Variants in RUBCN observed in about 807,000 individuals in gnomAD.
RUBCN encodes the protein run domain Beclin-1-interacting and cysteine-rich domain-containing protein.
RUBCN carries 74 observed loss-of-function variants against 113.2 expected under a neutral mutation model. That is an observed-to-expected ratio of 0.65 (90% confidence interval 0.54 to 0.79). The LOEUF (loss-of-function observed/expected upper bound fraction) is 0.79. Ranked by LOEUF, RUBCN falls within the 30% of genes least tolerant of loss-of-function variation. RUBCN has a pLI of 0.00. For missense variants in RUBCN, 1,109 were observed against 1,251.7 expected (o/e 0.89, Z 1.72); for synonymous variants, 480 against 490.0 (o/e 0.98, Z 0.27).
intron 10 of RUBCN, 47 bp downstream of exon 10, chr3:197,694,328 G>T (rs1254916380): frequency 6.4e-7 from 1 of 1,559,270 alleles, no homozygotes. Context: ...GCCTTATGCT[G>T]AAGTTGGGAA....
At chr3:197,728,962 A>G (rs1031539142) in intron 1 of RUBCN, among the ~76,000 whole-genome samples, 4 of 152,072 alleles carry the variant, frequency 2.6e-5, no homozygotes, top group African/African-American at 7.2e-5. Context: ...AACTTCATTA[A>G]GTACTAACAG....
rs1169111079 is a variant in RUBCN at position 197,694,684 on chromosome 3, C to T, written c.1474-99G>A. On this transcript the variant is annotated intron_variant, in intron 9 of 19. Coordinates refer to ENST00000296343, the MANE Select transcript of RUBCN (RefSeq NM_014687.4). ...GGGAGTTTCCAAGATAGGAACTGTT[C>T]CTGCCAAAAACACCCTGGAGAAATG... 3.7e-6 allele frequency: 4 copies of T among 1,083,590 alleles called. No homozygotes were observed. The African/African-American group carries it at 6.2e-5, about 17-fold the overall frequency. 67.1% of individuals were successfully genotyped at this position (1,083,590 alleles called of 1,614,324 possible).
chr3:197,686,154 C>CA (rs1265946604), intron 11 of RUBCN, among the ~76,000 whole-genome samples: 8 of 152,026 alleles, frequency 5.3e-5, no homozygotes, highest in African/African-American at 1.7e-4. Flanking sequence ...TACTACATGC[C>CA]AGAAAGAACA....
At chr3:197,740,595 G>A (rs543761313), upstream of RUBCN, among the ~76,000 whole-genome samples, 3 of 152,206 alleles carry the variant, frequency 2.0e-5, no homozygotes, top group Admixed American at 6.5e-5. Flanking sequence ...GCATGGTTAT[G>A]TTAAGGAATA....
intron 11 of RUBCN, among the ~76,000 whole-genome samples, chr3:197,685,028 A>C (rs913273814): frequency 1.3e-5 from 2 of 152,214 alleles, no homozygotes; most frequent in Non-Finnish European, 2.9e-5. Flanking sequence ...CCTGGTTACC[A>C]ACACGTTTTG....
rs1419242408 is a variant in RUBCN, at chr3:197,674,329, G to A, written c.*689C>T. The A allele has an allele frequency of 4.8e-6, 1 of 209,920 alleles. No individual in the cohort carries two copies. The highest frequency in any genetic ancestry group is 1.1e-5 in the Non-Finnish European group (1 of 90,674). 13.0% of individuals were successfully genotyped at this position (209,920 alleles called of 1,614,324 possible). A position where few individuals can be genotyped will look rare whatever the true frequency, so the allele number is the denominator to read the frequency against. On this transcript the variant is annotated 3_prime_UTR_variant, in exon 20 of 20. Coordinates refer to ENST00000296343, the MANE Select transcript of RUBCN (RefSeq NM_014687.4). ...TCTTTGCTTCAAGATCACCAAGGTA[G>A]ATGAAGAAAGTCAGCTTGTGGCATC... is the stretch of plus-strand genomic sequence containing the variant.
At chr3:197,684,110 T>G (rs766973718) in intron 12 of RUBCN, 47 bp downstream of exon 12, 1 of 1,440,520 alleles carries the variant, frequency 6.9e-7, no homozygotes, top group Non-Finnish European at 9.8e-7. Flanking sequence ...TTTCTCTACA[T>G]ATCCTAAGGT....
chr3:197,739,754 G>A (rs1728447095), upstream of RUBCN, among the ~76,000 whole-genome samples: 1 of 152,062 alleles, frequency 6.6e-6, no homozygotes, highest in African/African-American at 2.4e-5. Flanking sequence ...GGAAATCCTA[G>A]GGGCCAGAAG....
chr3:197,744,085 CTTT>C (rs1161259119), intron 1 of RUBCN, among the ~76,000 whole-genome samples: 4 of 151,452 alleles, frequency 2.6e-5, no homozygotes, highest in Non-Finnish European at 5.9e-5. Flanking sequence ...TACCATACTT[CTTT>C]AATATACCAG....
rs200891408 is a variant in RUBCN at position 197,676,935 on chromosome 3, G to A, written c.2596C>T (p.Arg866Trp). 1.2e-4 allele frequency: 190 copies of A among 1,614,070 alleles called. No individual in the cohort carries two copies. Among genetic ancestry groups the A allele is most frequent in the Middle Eastern group, 1.6e-4 (1 of 6,076 alleles). ...CCTGCCCTGGTGAGCTCAGCAAGCC[G>A]GGGCCCCAGCTCCCCCTTCCTGGTC... ...TATRKGELGP[R>W]LAELTRAGAT... The change falls in exon 18 of 20, where the codon CGG (arginine) becomes TGG (tryptophan). Residue 866 changes from arginine (R) to tryptophan (W), a missense_variant. Arg to Trp is a moderately radical substitution (Grantham distance 101, BLOSUM62 -3). Transcript: ENST00000296343.
At chr3:197,740,990 C>T (rs4857588), upstream of RUBCN, among the ~76,000 whole-genome samples, 139,120 of 152,252 alleles carry the variant, frequency 0.91, 63,591 homozygotes, top group East Asian at 1. Flanking sequence ...ACAACTAATA[C>T]CTCTATACAG....
intron 9 of RUBCN, 111 bp downstream of exon 9, chr3:197,695,755 T>C (rs1459009033): frequency 1.5e-5 from 15 of 973,808 alleles, no homozygotes; most frequent in Non-Finnish European, 2.5e-5. Flanking sequence ...TACCGTGAAC[T>C]TATCTTTACT....
intron 1 of RUBCN, among the ~76,000 whole-genome samples, chr3:197,730,862 T>A (rs1025715920): frequency 6.0e-5 from 9 of 151,074 alleles, no homozygotes; most frequent in Non-Finnish European, 1.3e-4. Flanking sequence ...AAAATATCTT[T>A]TTTTTTCATA....
chr3:197,736,308 C>T (rs1728112720), intron 1 of RUBCN, among the ~76,000 whole-genome samples: 1 of 152,170 alleles, frequency 6.6e-6, no homozygotes, highest in Admixed American at 6.5e-5. Flanking sequence ...CTGCCCCTGT[C>T]TATAGACTCT....
intron 7 of RUBCN, chr3:197,699,287 G>A: frequency 4.6e-6 from 6 of 1,299,802 alleles, no homozygotes; most frequent in Admixed American, 4.1e-5. Context: ...TGAGAATACA[G>A]AGAGAGAAAA....
chr3:197,746,983 A>C (rs532322579), intron 1 of RUBCN, among the ~76,000 whole-genome samples: 44 of 151,834 alleles, frequency 2.9e-4, no homozygotes, highest in Non-Finnish European at 5.1e-4. Flanking sequence ...CAATGAATAT[A>C]TGATTAAATG....
chr3:197,731,664 G>A (rs1727498177), intron 1 of RUBCN, among the ~76,000 whole-genome samples: 1 of 151,876 alleles, frequency 6.6e-6, no homozygotes, highest in Non-Finnish European at 1.5e-5. Context: ...GGCTGGCCGG[G>A]CAGAGGGGCT....
At chr3:197,739,770 G>A (rs1159859611), upstream of RUBCN, among the ~76,000 whole-genome samples, 1 of 152,200 alleles carries the variant, frequency 6.6e-6, no homozygotes, top group Non-Finnish European at 1.5e-5. Flanking sequence ...AGAAGCGGTG[G>A]CTCACGCCTG....
At chr3:197,712,480 C>T (rs1725063761) in intron 2 of RUBCN, among the ~76,000 whole-genome samples, 1 of 152,324 alleles carries the variant, frequency 6.6e-6, no homozygotes, top group Admixed American at 6.5e-5. Context: ...GACGCAGCAG[C>T]CTGAAACCTT....
Sources: allele counts gnomAD v4.1 joint callset (sites outside exome capture counted in the v4.1 genomes callset), GRCh38; gene constraint gnomAD v4.1.1; transcripts MANE v1.5; gene names NCBI Gene and HGNC (gene_info 2026-07-23, HGNC 2026-07-21).